Variants in NKAIN3 observed in about 807,000 individuals in gnomAD.
NKAIN3 encodes sodium/potassium-transporting ATPase subunit beta-1-interacting protein 3.
Under a neutral mutation model 30.2 loss-of-function variants are expected in NKAIN3, and 25 were observed. The ratio of observed to expected loss-of-function variants is 0.83; its 90% confidence interval spans 0.60 to 1.16. The LOEUF (loss-of-function observed/expected upper bound fraction) is 1.16, where lower values mean the gene tolerates loss of function less well. Ranked by LOEUF, NKAIN3 falls within the 50% of genes most tolerant of loss-of-function variation. The pLI is 0.00. For synonymous variants in NKAIN3, 91 were observed against 89.6 expected (o/e 1.02, Z -0.09); for missense variants, 225 against 254.1 (o/e 0.89, Z 0.78).
At chr8:62,491,979 G>C (rs1040071951) in intron 1 of NKAIN3, among the ~76,000 whole-genome samples, 1 of 152,190 alleles carries the variant, frequency 6.6e-6, no homozygotes, top group African/African-American at 2.4e-5. Context: ...CAAGAAAAAT[G>C]GGAACTAAAA....
At chr8:62,511,266 G>A (rs1004029218) in intron 1 of NKAIN3, among the ~76,000 whole-genome samples, 4 of 152,020 alleles carry the variant, frequency 2.6e-5, no homozygotes, top group African/African-American at 4.8e-5. Flanking sequence ...CGCCTTCCGC[G>A]GGGTTCCCTG....
intron 4 of NKAIN3, among the ~76,000 whole-genome samples, chr8:62,775,454 C>T (rs1436805477): frequency 6.6e-6 from 1 of 151,774 alleles, no homozygotes; most frequent in Non-Finnish European, 1.5e-5. Flanking sequence ...TAGTTTTTCA[C>T]TTGCAATGCT....
chr8:62,747,145 G>T lies in NKAIN3; in HGVS notation c.471+16G>T. 1.3e-6 allele frequency: 2 copies of T among 1,544,570 alleles called. No individual in the cohort carries two copies. Among genetic ancestry groups the T allele is most frequent in the Non-Finnish European group, 8.9e-7 (1 of 1,120,354 alleles). On this transcript the variant is annotated intron_variant, in intron 4 of 6. Transcript: ENST00000623646. ...ACTACTCTCTGTAAGTGTCACTTTTGTGTCATTATCTAATCAGAACTCTTC... is the reference window on the plus strand; with the variant it reads ...ACTACTCTCTGTAAGTGTCACTTTTTTGTCATTATCTAATCAGAACTCTTC...
At chr8:62,573,944 C>G (rs1235728408) in intron 1 of NKAIN3, among the ~76,000 whole-genome samples, 3 of 151,916 alleles carry the variant, frequency 2.0e-5, no homozygotes, top group African/African-American at 7.2e-5. Context: ...TTACAGTCAC[C>G]CTGTTGTATT....
At chr8:62,689,318 G>A (rs1813890743) in intron 3 of NKAIN3, among the ~76,000 whole-genome samples, 1 of 152,094 alleles carries the variant, frequency 6.6e-6, no homozygotes, top group Admixed American at 6.6e-5. Flanking sequence ...CCTGCTCACA[G>A]AACACAGCCC....
At chr8:62,714,461 A>G (rs2130501468) in intron 3 of NKAIN3, among the ~76,000 whole-genome samples, 1 of 152,220 alleles carries the variant, frequency 6.6e-6, no homozygotes, top group Non-Finnish European at 1.5e-5. Flanking sequence ...GCTAATACCT[A>G]TTGAGCACTT....
intron 1 of NKAIN3, among the ~76,000 whole-genome samples, chr8:62,538,790 C>T (rs1316311540): frequency 6.6e-6 from 1 of 152,182 alleles, no homozygotes; most frequent in Non-Finnish European, 1.5e-5. Flanking sequence ...ACGAGTTTTT[C>T]CTACTACCTT....
At chr8:62,864,105 C>CA (rs1820345064) in intron 4 of NKAIN3, 1 of 635,262 alleles carries the variant, frequency 1.6e-6, no homozygotes. Context: ...AGCGGGGCTA[C>CA]AGGGGCTTCG....
intron 5 of NKAIN3, among the ~76,000 whole-genome samples, chr8:62,937,291 T>C (rs1162166034): frequency 6.6e-6 from 1 of 152,104 alleles, no homozygotes; most frequent in Admixed American, 6.5e-5. Context: ...AAAGAATTCG[T>C]AGAGCCTTTG....
At chr8:62,697,149 G>T (rs1814181897) in intron 3 of NKAIN3, among the ~76,000 whole-genome samples, 1 of 152,136 alleles carries the variant, frequency 6.6e-6, no homozygotes, top group African/African-American at 2.4e-5. Flanking sequence ...TCAACACTCT[G>T]CATGGCTCCC....
chr8:62,757,934 A>G (rs1054070672), intron 4 of NKAIN3, among the ~76,000 whole-genome samples: 2 of 152,166 alleles, frequency 1.3e-5, no homozygotes, highest in African/African-American at 4.8e-5. Flanking sequence ...GGAGTCCTGA[A>G]GTAAGGAGGC....
chr8:62,358,960 T>C (rs1322637623), intron 1 of NKAIN3, among the ~76,000 whole-genome samples: 1 of 152,146 alleles, frequency 6.6e-6, no homozygotes, highest in African/African-American at 2.4e-5. Flanking sequence ...GGTGGGTGGA[T>C]CACGAGGTCA....
chr8:62,570,945 A>G (rs890385673), intron 1 of NKAIN3, among the ~76,000 whole-genome samples: 4 of 152,226 alleles, frequency 2.6e-5, no homozygotes, highest in African/African-American at 9.6e-5. Flanking sequence ...AAAACAAATT[A>G]AAGTGTATTG....
rs1289079361 is a variant in NKAIN3 at position 62,977,596 on chromosome 8, A to G, written c.*12189A>G. On this transcript the variant is annotated 3_prime_UTR_variant, in exon 7 of 7. Coordinates refer to ENST00000623646, the MANE Select transcript of NKAIN3 (RefSeq NM_001304533.3). ...GGTTATTCTCTAAACTGGTTATTCT[A>G]GTTAGCAATTCCTCTAACCTTTTAT... 6.6e-6 allele frequency among the ~76,000 whole-genome samples: 1 copy of G among 151,984 alleles called. No individual in the cohort carries two copies. The highest frequency in any genetic ancestry group is 1.5e-5 in the Non-Finnish European group (1 of 68,002).
intron 1 of NKAIN3, among the ~76,000 whole-genome samples, chr8:62,304,736 G>A (rs1362783218): frequency 2.0e-5 from 3 of 150,316 alleles, no homozygotes; most frequent in Non-Finnish European, 4.4e-5. Flanking sequence ...TCCCACCACT[G>A]ACTGGCTTAG....
intron 3 of NKAIN3, among the ~76,000 whole-genome samples, chr8:62,669,540 A>G (rs560253597): frequency 6.6e-6 from 1 of 152,282 alleles, no homozygotes; most frequent in South Asian, 2.1e-4. Flanking sequence ...ATTTTATCAA[A>G]TGACTTTTTA....
At chr8:62,252,899 T>C (rs1015425970) in intron 1 of NKAIN3, among the ~76,000 whole-genome samples, 4 of 152,194 alleles carry the variant, frequency 2.6e-5, no homozygotes, top group African/African-American at 9.7e-5. Flanking sequence ...AAACCTTAAT[T>C]GCATGGTTTC....
intron 1 of NKAIN3, among the ~76,000 whole-genome samples, chr8:62,324,483 A>T (rs1815048744): frequency 6.6e-6 from 1 of 152,108 alleles, no homozygotes; most frequent in Non-Finnish European, 1.5e-5. Flanking sequence ...CAAAACCAAG[A>T]TTGATTTCAT....
At chr8:62,586,245 A>C (rs1190484651) in intron 2 of NKAIN3, among the ~76,000 whole-genome samples, 1 of 152,150 alleles carries the variant, frequency 6.6e-6, no homozygotes, top group African/African-American at 2.4e-5. Context: ...CTCAACATGA[A>C]ATTGAGTGTT....
Sources: allele counts gnomAD v4.1 joint callset (sites outside exome capture counted in the v4.1 genomes callset), GRCh38; gene constraint gnomAD v4.1.1; transcripts MANE v1.5; gene names NCBI Gene and HGNC (gene_info 2026-07-23, HGNC 2026-07-21).